The following RASAL3 variants were observed in gnomAD, a reference collection of about 807,000 sequenced individuals.
RASAL3 encodes RAS protein activator like 3.
In RASAL3, 74 loss-of-function variants were observed where a neutral mutation model predicts 105.5. The observed-to-expected ratio is 0.70, with a 90% CI of 0.58 to 0.85. The LOEUF is 0.85. Among genes scored for constraint, RASAL3 ranks in the 40% least tolerant of loss-of-function variants. The pLI is 0.00. For missense variants in RASAL3, 1,352 were observed against 1,392.0 expected (o/e 0.97, Z 0.46); for synonymous variants, 579 against 591.6 (o/e 0.98, Z 0.31).
At position 15,456,295 on chromosome 19, in the gene RASAL3, A is replaced by G; in HGVS notation, c.1577-47T>C. On this transcript the variant is annotated intron_variant, in intron 10 of 17. Coordinates refer to ENST00000343625, the MANE Select transcript of RASAL3 (RefSeq NM_022904.3). This position sits in a 1 kb window ranked among gnomAD's most constrained non-coding sequence, Gnocchi z 4.4. ...TAGGGGCTGGGGCCATGACCACCAA[A>G]ACCTGCCACACCCATCCTCCAACCT... 1 of 1,598,892 alleles carries G rather than the reference A, an allele frequency of 6.3e-7. No homozygotes were observed. Among genetic ancestry groups the G allele is most frequent in the Non-Finnish European group, 8.5e-7 (1 of 1,170,008 alleles).
In RASAL3 at chr19:15,461,277, A is replaced by T. The variant is rs754268012; in HGVS notation, c.485T>A (p.Val162Glu). ...GEEEGPRRPRVGSASSEGSIH... is the reference protein window; with the variant it reads ...GEEEGPRRPREGSASSEGSIH... ...GCTGCCCTCGGAGCTAGCACTTCCC[A>T]CCCGGGGCCTTCGAGGACCCTGTTC... Residue 162 changes from valine to glutamate, a missense_variant, in exon 4 of 18, where the codon GTG becomes GAG. Val to Glu is a moderately radical substitution (Grantham distance 121). Around this residue, in one of 3 missense-constraint regions of RASAL3, gnomAD observed 344 missense variants for 339.6 expected, o/e 1.01. Coordinates refer to ENST00000343625, the MANE Select transcript of RASAL3 (RefSeq NM_022904.3). 1.2e-5 allele frequency: 19 copies of T among 1,613,422 alleles called. No homozygotes were observed. Among genetic ancestry groups the T allele is most frequent in the Middle Eastern group, 1.6e-4 (1 of 6,062 alleles).
rs118133980 is a variant in RASAL3 at position 15,461,821 on chromosome 19, C to G, written c.329-214G>C. Reference sequence around the variant, plus strand: ...GCAGACACAACTCACCTACCATGTGCCCAGTACCCTGTATACCACTCCACA... The same window carrying G: ...GCAGACACAACTCACCTACCATGTGGCCAGTACCCTGTATACCACTCCACA... On this transcript the variant is annotated intron_variant, in intron 2 of 17. Transcript: ENST00000343625. Among the ~76,000 whole-genome samples, 1,156 of 152,176 alleles carry G rather than the reference C, an allele frequency of 7.6e-3. 11 individuals carry two copies. Among genetic ancestry groups the G allele is most frequent in the Non-Finnish European group, 0.013 (872 of 68,000 alleles).
chr19:15,452,075 T>C lies in RASAL3; in HGVS notation c.2862A>G (p.Thr954=). 2 of 1,613,840 alleles carry C rather than the reference T, an allele frequency of 1.2e-6. No homozygotes were observed. Among genetic ancestry groups the C allele is most frequent in the Non-Finnish European group, 1.7e-6 (2 of 1,179,832 alleles). The change falls in exon 17 of 18, where the codon ACA becomes ACG. Residue 954 remains threonine (T), a synonymous_variant. Coordinates refer to ENST00000343625, the MANE Select transcript of RASAL3 (RefSeq NM_022904.3). ...SSEFDSEHNL[T]SNEGHSLKNL... ...TTTTCAGACTGTGCCCTTCATTGCT[T>C]GTTAGGTTGTGCTCTGAATCAAACT...
rs368197037 is a variant in RASAL3, at chr19:15,461,089, C to T, written c.577G>A (p.Ala193Thr). ...ACGTTGTGGACCTGGTTGGGACCAG[C>T]AGTCTCCGGTTCTGTTTTTCCAGGC... ...RMPGKTEPETAGPNQVHNVRG... is the reference protein window; with the variant it reads ...RMPGKTEPETTGPNQVHNVRG... Residue 193 changes from alanine to threonine, a missense_variant, in exon 5 of 18, where the codon GCT becomes ACT. Coordinates refer to ENST00000343625, the MANE Select transcript of RASAL3 (RefSeq NM_022904.3). The T allele has an allele frequency of 1.2e-6, 2 of 1,613,810 alleles. No individual in the cohort carries two copies. Among genetic ancestry groups the T allele is most frequent in the Non-Finnish European group, 1.7e-6 (2 of 1,179,876 alleles).
intron 5 of RASAL3, among the ~76,000 whole-genome samples, 188 bp downstream of exon 5, chr19:15,460,872 A>G (rs561707035): frequency 4.9e-4 from 75 of 152,032 alleles, no homozygotes; most frequent in Non-Finnish European, 1.0e-3. Context: ...TGCACTCTCT[A>G]TTGGCTTCCC....
chr19:15,459,360 C>T (rs1568331657), intron 6 of RASAL3, among the ~76,000 whole-genome samples: 3 of 151,562 alleles, frequency 2.0e-5, no homozygotes, highest in Non-Finnish European at 4.4e-5. Flanking sequence ...ATTCTTCTGC[C>T]TCAGCCTCCT....
rs373773110 is a variant in RASAL3, at chr19:15,454,466, C to T, written c.2055G>A (p.Val685=). ...MQCFLDQVAM[V]DVDAAPSGYQ... ...AACCACTGGGGGCAGCATCCACATCCACCATGGCTACCTGGTCCAGGAAGC... is the reference window on the plus strand; with the variant it reads ...AACCACTGGGGGCAGCATCCACATCTACCATGGCTACCTGGTCCAGGAAGC... Residue 685 remains valine, a synonymous_variant, in exon 13 of 18, where the codon GTG becomes GTA. Transcript: ENST00000343625. The T allele has an allele frequency of 1.2e-5, 19 of 1,613,894 alleles. No homozygotes were observed. Among genetic ancestry groups the T allele is most frequent in the Non-Finnish European group, 1.5e-5 (18 of 1,179,894 alleles).
Position 15,451,852 on chromosome 19 carries a change from C to T in RASAL3, c.2979G>A (p.Gly993=). The stretch of plus-strand genomic sequence containing the variant: ...TGAGGGGCTGGGGTTGACTCCAAGA[C>T]CCCCGCGTCCTTGGAGAAAGCTGCA... ...QSLQLSPRTR[G]SWSQPQPLKA... Residue 993 remains glycine (G), a synonymous_variant, in exon 18 of 18, where the codon GGG becomes GGA. Coordinates refer to ENST00000343625, the MANE Select transcript of RASAL3 (RefSeq NM_022904.3). The T allele has an allele frequency of 6.2e-7, 1 of 1,608,412 alleles. No individual in the cohort carries two copies.
Position 15,458,085 on chromosome 19 carries a change from C to A in RASAL3, c.888+243G>T, listed in dbSNP as rs1200740146. 9.6e-6 allele frequency: 6 copies of A among 627,686 alleles called. 1 individual carries two copies. Among genetic ancestry groups the A allele is most frequent in the Non-Finnish European group, 1.7e-5 (6 of 361,362 alleles). The allele number at this position is 627,686 out of a possible 1,614,324, so 38.9% of individuals were successfully genotyped here. ...GAGTAGTACTGGAGTAAAGACTTCG[C>A]GATTGCCTGGCAGGCAGGGCTTTGG... On this transcript the variant is annotated intron_variant, in intron 8 of 17. Transcript: ENST00000343625.
intron 5 of RASAL3, 32 bp from the exon 6 acceptor site, chr19:15,460,290 A>G (rs1270125355): frequency 1.3e-6 from 2 of 1,590,326 alleles, no homozygotes; most frequent in Non-Finnish European, 1.7e-6. Flanking sequence ...CTGGACAGAA[A>G]TCTGTGCTCC....
chr19:15,458,173 A>G (rs1970388052), intron 8 of RASAL3, 155 bp downstream of exon 8: 2 of 701,598 alleles, frequency 2.9e-6, no homozygotes, highest in African/African-American at 1.8e-5. Flanking sequence ...CTGGTAATAG[A>G]TGGAAGGGGA....
chr19:15,457,360 G>A lies in RASAL3; in HGVS notation c.1363C>T (p.Pro455Ser). 1 of 1,417,980 alleles carries A rather than the reference G, an allele frequency of 7.1e-7. No homozygotes were observed. Among genetic ancestry groups the A allele is most frequent in the Non-Finnish European group, 9.1e-7 (1 of 1,093,602 alleles). The allele number at this position is 1,417,980 out of a possible 1,614,324, so 87.8% of individuals were successfully genotyped here. ...RLCGALEPAL[P>S]AQAKEELAAA... The stretch of plus-strand genomic sequence containing the variant: ...GCCAGCTCCTCCTTGGCCTGCGCAG[G>A]CAGCGCGGGCTCCAGGGCCCCGCAG... Residue 455 changes from proline (P) to serine (S), a missense_variant, in exon 9 of 18, where the codon CCT becomes TCT. By Grantham distance (74) the Pro-to-Ser change is moderately conservative. This residue lies in a region of RASAL3 where 920 missense variants were observed against 919.6 expected (regional missense o/e 1.00). Transcript: ENST00000343625. The surrounding 1 kb of genome is among the most constrained non-coding windows in gnomAD (Gnocchi z 8.6).
At position 15,457,896 on chromosome 19, in the gene RASAL3, C is replaced by T. The variant is rs1030600680; in HGVS notation, c.889-62G>A. The T allele has an allele frequency of 2.6e-6, 4 of 1,526,814 alleles. No homozygotes were observed. Among genetic ancestry groups the T allele is most frequent in the Non-Finnish European group, 3.5e-6 (4 of 1,131,818 alleles). The allele number at this position is 1,526,814 out of a possible 1,614,324, so 94.6% of individuals were successfully genotyped here. A position where few individuals can be genotyped will look rare whatever the true frequency, so the allele number is the denominator to read the frequency against. On this transcript the variant is annotated intron_variant, in intron 8 of 17. Coordinates refer to ENST00000343625, the MANE Select transcript of RASAL3 (RefSeq NM_022904.3). The surrounding 1 kb of genome is among the most constrained non-coding windows in gnomAD (Gnocchi z 8.6). ...TTTGTTGGCACCCCAAAGAAGGCAC[C>T]GCAAGTGAAGCGTGGAGCCTCAAAC...
chr19:15,453,594 G>T lies in RASAL3; in HGVS notation c.2280-97C>A. The T allele has an allele frequency of 7.9e-7, 1 of 1,258,404 alleles. No individual in the cohort carries two copies. Among genetic ancestry groups the T allele is most frequent in the Non-Finnish European group, 1.0e-6 (1 of 955,106 alleles). The allele number at this position is 1,258,404 out of a possible 1,614,324, so 78.0% of individuals were successfully genotyped here. The stretch of plus-strand genomic sequence containing the variant: ...GTGACCTCACCCCCCACGTGAACTT[G>T]TCCTTTCTTTTTTTTTTTTGAGACA... On this transcript the variant is annotated intron_variant, in intron 14 of 17. Coordinates refer to ENST00000343625, the MANE Select transcript of RASAL3 (RefSeq NM_022904.3). This position sits in a 1 kb window ranked among gnomAD's most constrained non-coding sequence, Gnocchi z 4.2.
At chr19:15,463,084 T>C (rs527878218) in intron 2 of RASAL3, among the ~76,000 whole-genome samples, 2 of 151,294 alleles carry the variant, frequency 1.3e-5, no homozygotes, top group African/African-American at 4.9e-5. Flanking sequence ...TTTCTTTCTT[T>C]TTTTTTTTTT....
rs1970224856 is a variant in RASAL3 at position 15,453,489 on chromosome 19, G to T, written c.2288C>A (p.Ala763Glu). 1.3e-6 allele frequency: 2 copies of T among 1,530,022 alleles called. No individual in the cohort carries two copies. 94.8% of individuals were successfully genotyped at this position (1,530,022 alleles called of 1,614,324 possible). Residue 763 changes from alanine (A) to glutamate (E), a missense_variant, in exon 15 of 18, where the codon GCA becomes GAA. By Grantham distance (107) the Ala-to-Glu change is moderately radical. Transcript: ENST00000343625. The surrounding 1 kb of genome is among the most constrained non-coding windows in gnomAD (Gnocchi z 4.2). The stretch of plus-strand genomic sequence containing the variant: ...GGCCAGGAAGCCGGGCTTCTCCCCT[G>T]CGGAGAGGCTAGGGGTGGGATGGAG... ...PPAQVHSSLS[A>E]GEKPGFLAPR...
Position 15,456,749 on chromosome 19 carries a change from T to G in RASAL3, c.1432-103A>C. The G allele has an allele frequency of 7.4e-7, 1 of 1,354,848 alleles. No individual in the cohort carries two copies. Among genetic ancestry groups the G allele is most frequent in the Non-Finnish European group, 1.0e-6 (1 of 992,114 alleles). 83.9% of individuals were successfully genotyped at this position (1,354,848 alleles called of 1,614,324 possible). A position where few individuals can be genotyped will look rare whatever the true frequency, so the allele number is the denominator to read the frequency against. ...CACCAGAGGCACAGGCCCCGCCCCT[T>G]GTAGCTGATGCTTAGGCCCAGTCCT... On this transcript the variant is annotated intron_variant, in intron 9 of 17. Transcript: ENST00000343625. This position sits in a 1 kb window ranked among gnomAD's most constrained non-coding sequence, Gnocchi z 4.4.
At position 15,457,546 on chromosome 19, in the gene RASAL3, G is replaced by A; in HGVS notation, c.1177C>T (p.Pro393Ser). The change falls in exon 9 of 18, where the codon CCA becomes TCA. Residue 393 changes from proline to serine, a missense_variant. This residue lies in a region of RASAL3 where 920 missense variants were observed against 919.6 expected (regional missense o/e 1.00). Coordinates refer to ENST00000343625, the MANE Select transcript of RASAL3 (RefSeq NM_022904.3). The surrounding 1 kb of genome is among the most constrained non-coding windows in gnomAD (Gnocchi z 8.6). ...TCCAGACCGGCGGCAGGCGCGCGTG[G>A]GGCGTCCAGCTCCTCCAGCGCCAGG... is the stretch of plus-strand genomic sequence containing the variant. ...VALALEELDA[P>S]RAPAAGLERW... 2 of 1,146,182 alleles carry A rather than the reference G, an allele frequency of 1.7e-6. No individual in the cohort carries two copies. The highest frequency in any genetic ancestry group is 2.2e-6 in the Non-Finnish European group (2 of 929,926). The allele number at this position is 1,146,182 out of a possible 1,614,324, so 71.0% of individuals were successfully genotyped here. A position where few individuals can be genotyped will look rare whatever the true frequency, so the allele number is the denominator to read the frequency against.
chr19:15,456,475 GC>G lies in RASAL3; in HGVS notation c.1576+26del. The G allele has an allele frequency of 6.2e-7, 1 of 1,611,358 alleles. No individual in the cohort carries two copies. Among genetic ancestry groups the G allele is most frequent in the African/African-American group, 1.3e-5 (1 of 74,958 alleles). On this transcript the variant is annotated intron_variant, in intron 10 of 17. Transcript: ENST00000343625. This position sits in a 1 kb window ranked among gnomAD's most constrained non-coding sequence, Gnocchi z 4.4. ...AGGTCCCCTAGCTCACCAGCAGGCC[GC>G]TGACATGGACTCTCCCCCAGCTCAC... is the stretch of plus-strand genomic sequence containing the variant.
Sources: gnomAD v4.1 joint callset for allele counts (sites outside exome capture counted in the v4.1 genomes callset) on GRCh38, gnomAD v4.1.1 for gene constraint, gnomAD v4.1.1 regional missense constraint, Gnocchi (gnomAD v3.1) non-coding constraint, MANE v1.5 for transcripts, NCBI Gene and HGNC (gene_info 2026-07-23, HGNC 2026-07-21) for gene names.